The following TUSC3 variants were observed in gnomAD, a reference collection of about 807,000 sequenced individuals.
TUSC3 encodes the protein tumor suppressor candidate 3.
In TUSC3, 45 loss-of-function variants were observed where a neutral mutation model predicts 44.8. That is an observed-to-expected ratio of 1.00 (90% CI 0.79 to 1.29). TUSC3 has a LOEUF of 1.29. Among genes scored for constraint, TUSC3 ranks in the 50% most tolerant of loss-of-function variants. The probability of loss-of-function intolerance (pLI) is 0.00; values close to 1 mark genes in which losing one functional copy is unlikely to be tolerated. For synonymous variants in TUSC3, 212 were observed against 152.9 expected, an observed-to-expected ratio of 1.39 and a Z score of -2.85; for missense variants, 519 against 437.9, an observed-to-expected ratio of 1.19 and a Z score of -1.65.
At chr8:15,723,691 T>C (rs972424157) in intron 6 of TUSC3, among the ~76,000 whole-genome samples, 10 of 152,154 alleles carry the variant, frequency 6.6e-5, no homozygotes, top group African/African-American at 2.4e-4. Flanking sequence ...GAGGAATCTT[T>C]TATTAAAATG....
the TUSC3 span, chr8:15,806,705 C>A: frequency 2.3e-6 from 2 of 886,254 alleles, no homozygotes; most frequent in Non-Finnish European, 3.7e-6. Context: ...ATCAAAATCC[C>A]CAAGGGCTTT....
chr8:15,504,486 A>T (rs73193315), intron 2 of TUSC3, among the ~76,000 whole-genome samples: 3,256 of 149,752 alleles, frequency 0.022, 155 homozygotes, highest in South Asian at 0.15. Context: ...ACATATTTCT[A>T]CTACTGCCAT....
chr8:15,850,603 C>T, the TUSC3 span, among the ~76,000 whole-genome samples: 4 of 152,238 alleles, frequency 2.6e-5, no homozygotes, highest in Non-Finnish European at 5.9e-5. Flanking sequence ...CTATAAGTTA[C>T]TGTTGGCTTT....
At chr8:15,843,402 A>G in the TUSC3 span, among the ~76,000 whole-genome samples, 1 of 152,094 alleles carries the variant, frequency 6.6e-6, no homozygotes, top group Non-Finnish European at 1.5e-5. Context: ...ATTCTGCAGA[A>G]TGTTATTTAA....
chr8:15,543,759 G>T (rs1801768961), intron 1 of TUSC3, among the ~76,000 whole-genome samples: 1 of 147,848 alleles, frequency 6.8e-6, no homozygotes, highest in African/African-American at 2.5e-5. Flanking sequence ...TTTTGCTAAA[G>T]AAACTAACTT....
At chr8:15,826,548 G>T in the TUSC3 span, among the ~76,000 whole-genome samples, 1 of 152,152 alleles carries the variant, frequency 6.6e-6, no homozygotes, top group Non-Finnish European at 1.5e-5. Context: ...AGAGTAAATG[G>T]TTCCAGGCTT....
the TUSC3 span, among the ~76,000 whole-genome samples, chr8:15,790,489 T>C: frequency 1.1e-4 from 16 of 152,128 alleles, no homozygotes; most frequent in African/African-American, 3.9e-4. Context: ...GGCCTCACCA[T>C]GGCATTTGTA....
At chr8:15,649,406 A>T (rs1806783793) in intron 2 of TUSC3, among the ~76,000 whole-genome samples, 1 of 151,694 alleles carries the variant, frequency 6.6e-6, no homozygotes, top group African/African-American at 2.4e-5. Context: ...AACACGGTGA[A>T]ACCCCGTCTC....
chr8:15,780,316 C>T, the TUSC3 span, among the ~76,000 whole-genome samples: 101 of 152,270 alleles, frequency 6.6e-4, no homozygotes, highest in Non-Finnish European at 1.4e-3. Context: ...TCCTAACATA[C>T]AGCTGTTCCC....
the TUSC3 span, among the ~76,000 whole-genome samples, chr8:15,821,688 T>C: frequency 6.6e-6 from 1 of 152,080 alleles, no homozygotes; most frequent in Non-Finnish European, 1.5e-5. Context: ...TAAGCCAGGT[T>C]CCTTCTCTAA....
At chr8:15,769,616 A>G (rs1481045307), downstream of TUSC3, among the ~76,000 whole-genome samples, 1 of 152,222 alleles carries the variant, frequency 6.6e-6, no homozygotes, top group Non-Finnish European at 1.5e-5. Flanking sequence ...GCACGGCAAA[A>G]GAAACTATGA....
chr8:15,638,541 G>C (rs1464535266), intron 2 of TUSC3, among the ~76,000 whole-genome samples: 1 of 62,282 alleles, frequency 1.6e-5, no homozygotes, highest in South Asian at 6.2e-4. Flanking sequence ...TTTTTTTTTG[G>C]AGACAAGAGT....
chr8:15,582,123 C>G (rs1256711632), intron 1 of TUSC3, among the ~76,000 whole-genome samples: 1 of 152,166 alleles, frequency 6.6e-6, no homozygotes, highest in Non-Finnish European at 1.5e-5. Context: ...ACTCCCTGAC[C>G]CCTTGCGCTT....
intron 1 of TUSC3, among the ~76,000 whole-genome samples, chr8:15,470,651 A>G (rs568075781): frequency 6.6e-6 from 1 of 152,292 alleles, no homozygotes; most frequent in South Asian, 2.1e-4. Context: ...CCCCAAATAA[A>G]TTCCTTCCAT....
the TUSC3 span, among the ~76,000 whole-genome samples, chr8:15,849,782 T>C: frequency 6.7e-6 from 1 of 148,922 alleles, no homozygotes; most frequent in African/African-American, 2.5e-5. Flanking sequence ...GTTCCGATTT[T>C]ATGGCCTTCT....
Position 15,552,352 on chromosome 8 carries a change from T to C in TUSC3, c.138+11784T>C, listed in dbSNP as rs561690293. Among the ~76,000 whole-genome samples, 66 of 151,742 alleles carry C rather than the reference T, an allele frequency of 4.3e-4. 1 individual carries two copies. Among genetic ancestry groups the C allele is most frequent in the Non-Finnish European group, 8.0e-4 (54 of 67,838 alleles). ...TAGGTACAGTGCTGGATTTTGAAGGTAGAGTGATGAATAAGACAGCCATTG... is the reference window on the plus strand; with the variant it reads ...TAGGTACAGTGCTGGATTTTGAAGGCAGAGTGATGAATAAGACAGCCATTG... On this transcript the variant is annotated intron_variant, in intron 1 of 10. Coordinates refer to ENST00000503731, the MANE Select transcript of TUSC3 (RefSeq NM_006765.4).
At chr8:15,525,741 A>C (rs1367288286) in intron 2 of TUSC3, among the ~76,000 whole-genome samples, 1 of 152,106 alleles carries the variant, frequency 6.6e-6, no homozygotes, top group Non-Finnish European at 1.5e-5. Flanking sequence ...TCCAGTGATA[A>C]AGGGGATGTT....
chr8:15,690,148 T>G (rs1011878898), intron 6 of TUSC3, among the ~76,000 whole-genome samples: 5 of 152,150 alleles, frequency 3.3e-5, no homozygotes, highest in African/African-American at 1.2e-4. Flanking sequence ...TGTATAAACT[T>G]TCTTCTCTTC....
At chr8:15,488,713 C>T (rs1470303225) in intron 2 of TUSC3, among the ~76,000 whole-genome samples, 4 of 152,114 alleles carry the variant, frequency 2.6e-5, no homozygotes, top group Admixed American at 1.3e-4. Context: ...CATTTTCTTT[C>T]TCTCCCATAT....
Sources: allele counts gnomAD v4.1 joint callset (sites outside exome capture counted in the v4.1 genomes callset), GRCh38; gene constraint gnomAD v4.1.1; transcripts MANE v1.5; gene names NCBI Gene and HGNC (gene_info 2026-07-23, HGNC 2026-07-21).